The following SDK1 variants were observed in gnomAD, a reference collection of about 807,000 sequenced individuals.
SDK1 encodes sidekick cell adhesion molecule 1, also known as protein sidekick-1.
In SDK1, 157 loss-of-function variants were observed where a neutral mutation model predicts 245.5. The ratio of observed to expected loss-of-function variants is 0.64; its 90% confidence interval spans 0.56 to 0.73. The LOEUF is 0.73. SDK1 is among the 30% of genes least tolerant of loss of function. The pLI, the probability that SDK1 is intolerant of heterozygous loss-of-function variation, is 0.00. For synonymous variants in SDK1, 1,647 were observed against 1,278.5 expected (o/e 1.29, Z -6.15); for missense variants, 3,583 against 3,002.3 (o/e 1.19, Z -4.52).
intron 29 of SDK1, among the ~76,000 whole-genome samples, chr7:4,146,407 A>C (rs1779986168): frequency 6.6e-6 from 1 of 150,800 alleles, no homozygotes; most frequent in Non-Finnish European, 1.5e-5. Flanking sequence ...ATTTCGTGAC[A>C]CACTTTCAGC....
At chr7:3,831,888 A>AAAAAC (rs1218426909) in intron 5 of SDK1, among the ~76,000 whole-genome samples, 1 of 151,636 alleles carries the variant, frequency 6.6e-6, no homozygotes, top group Non-Finnish European at 1.5e-5. Flanking sequence ...CTTTAACAAC[A>AAAAAC]AAAACAAAAA....
chr7:3,475,380 C>T (rs1010465479), intron 1 of SDK1, among the ~76,000 whole-genome samples: 4 of 152,200 alleles, frequency 2.6e-5, no homozygotes, highest in Non-Finnish European at 5.9e-5. Flanking sequence ...ATTCTCCAGT[C>T]TTCCTCCTTT....
At chr7:3,801,626 C>T (rs551950958) in intron 4 of SDK1, among the ~76,000 whole-genome samples, 5 of 152,260 alleles carry the variant, frequency 3.3e-5, no homozygotes, top group African/African-American at 9.6e-5. Context: ...ATGATGAGTC[C>T]TTCTCATTGA....
chr7:3,739,199 G>A (rs903924803), intron 4 of SDK1, among the ~76,000 whole-genome samples: 2 of 152,076 alleles, frequency 1.3e-5, no homozygotes, highest in African/African-American at 4.8e-5. Flanking sequence ...ACAAGTAATT[G>A]TTTTCTTACT....
At chr7:3,575,756 A>G (rs745320312) in intron 1 of SDK1, among the ~76,000 whole-genome samples, 3 of 152,092 alleles carry the variant, frequency 2.0e-5, no homozygotes, top group Non-Finnish European at 4.4e-5. Context: ...ATGGGAATGT[A>G]GTAGAAACAG....
At chr7:3,393,017 C>A (rs576263401) in intron 1 of SDK1, among the ~76,000 whole-genome samples, 112 of 126,186 alleles carry the variant, frequency 8.9e-4, no homozygotes, top group Admixed American at 2.7e-3. Context: ...GTTCCCCAGG[C>A]TGTAGTACAG....
chr7:3,740,999 CAG>C (rs893332109), intron 4 of SDK1, among the ~76,000 whole-genome samples: 2 of 152,202 alleles, frequency 1.3e-5, no homozygotes, highest in African/African-American at 4.8e-5. Flanking sequence ...GAAAGGCTAT[CAG>C]GGACCTATCC....
Position 4,174,270 on chromosome 7 carries a change from T to C in SDK1, c.4849T>C (p.Tyr1617His), listed in dbSNP as rs563765871. 2.5e-6 allele frequency: 4 copies of C among 1,614,030 alleles called. No homozygotes were observed. The East Asian group carries it at 6.7e-5, about 27-fold the overall frequency. Residue 1617 changes from tyrosine (Y) to histidine (H), a missense_variant, in exon 33 of 45, where the codon TAC (tyrosine) becomes CAC (histidine). Transcript: ENST00000404826. ...LNGLLQGYRI[Y>H]YRELEYEAGS... ...TGGCCTTCTTCAGGGATACAGGATC[T>C]ACTACAGGGAGCTGGAGTATGAAGC...
chr7:4,107,487 C>CTTTT (rs111820146), intron 22 of SDK1, among the ~76,000 whole-genome samples: 1 of 149,068 alleles, frequency 6.7e-6, no homozygotes, highest in Non-Finnish European at 1.5e-5. Context: ...TTCCTTTCTT[C>CTTTT]TTCTTTTTTT....
At chr7:3,561,486 C>G (rs780370236) in intron 1 of SDK1, among the ~76,000 whole-genome samples, 1 of 152,278 alleles carries the variant, frequency 6.6e-6, no homozygotes, top group African/African-American at 2.4e-5. Context: ...AGAACATAAG[C>G]TTTCTCATGA....
At chr7:3,801,267 T>C (rs1437873287) in intron 4 of SDK1, among the ~76,000 whole-genome samples, 1 of 152,236 alleles carries the variant, frequency 6.6e-6, no homozygotes, top group Non-Finnish European at 1.5e-5. Context: ...TTCTTTGTGG[T>C]TGGGTTAATG....
chr7:4,066,296 G>A (rs557926380), intron 19 of SDK1, among the ~76,000 whole-genome samples: 1 of 152,184 alleles, frequency 6.6e-6, no homozygotes, highest in South Asian at 2.1e-4. Context: ...TGGCAGGCGG[G>A]GAAGCAGGGC....
chr7:3,403,849 A>G (rs1213199670), intron 1 of SDK1, among the ~76,000 whole-genome samples: 1 of 97,868 alleles, frequency 1.0e-5, no homozygotes, highest in Admixed American at 1.0e-4. Context: ...ATATATATAT[A>G]TATATATATA....
rs962167802 is a variant in SDK1, at chr7:4,079,053, C to T, written c.3203-410C>T. The stretch of plus-strand genomic sequence containing the variant: ...TCTTCCCTCCATCCCTCCGAGGCCG[C>T]GGTAATTATGAAAGGAAGTACGGCC... On this transcript the variant is annotated intron_variant, in intron 21 of 44. Transcript: ENST00000404826. Among the ~76,000 whole-genome samples, 8 of 152,326 alleles carry T rather than the reference C, an allele frequency of 5.3e-5. 1 individual carries two copies. The South Asian group carries it at 6.2e-4, about 12-fold the overall frequency.
intron 14 of SDK1, among the ~76,000 whole-genome samples, chr7:3,990,559 G>A (rs543878954): frequency 7.9e-5 from 12 of 152,312 alleles, no homozygotes; most frequent in Admixed American, 2.0e-4. Context: ...TGATCTGGAC[G>A]GAGAGAATGG....
At chr7:3,435,175 TG>T (rs11286836) in intron 1 of SDK1, among the ~76,000 whole-genome samples, 1 of 19,792 alleles carries the variant, frequency 5.1e-5, no homozygotes, top group African/African-American at 5.0e-4. Context: ...TTTTTTTTTT[TG>T]AAATCTTTTT....
chr7:4,051,645 C>G lies in SDK1; in HGVS notation c.2726C>G (p.Ala909Gly). ...NGINQGYKLLAWPADAPEAVT... is the reference protein window; with the variant it reads ...NGINQGYKLLGWPADAPEAVT... ...CACCCTGTTCCATCTCAGCTTCTGG[C>G]ATGGCCGGCAGATGCCCCCGAGGCT... Residue 909 changes from alanine (A) to glycine (G), a missense_variant, in exon 19 of 45, where the codon GCA becomes GGA. Coordinates refer to ENST00000404826, the MANE Select transcript of SDK1 (RefSeq NM_152744.4). The G allele has an allele frequency of 1.2e-6, 2 of 1,610,242 alleles. No individual in the cohort carries two copies. The highest frequency in any genetic ancestry group is 1.7e-6 in the Non-Finnish European group (2 of 1,178,518).
intron 1 of SDK1, among the ~76,000 whole-genome samples, chr7:3,377,582 G>A (rs185032175): frequency 2.0e-5 from 3 of 152,030 alleles, no homozygotes; most frequent in Admixed American, 6.5e-5. Context: ...ACGACTCCCC[G>A]TCTCTGTGTC....
chr7:3,327,844 A>G (rs1779972768), intron 1 of SDK1, among the ~76,000 whole-genome samples: 1 of 152,156 alleles, frequency 6.6e-6, no homozygotes, highest in Non-Finnish European at 1.5e-5. Flanking sequence ...GTAATTACCC[A>G]TCGAAAACTC....
Sources: allele counts gnomAD v4.1 joint callset (sites outside exome capture counted in the v4.1 genomes callset), GRCh38; gene constraint gnomAD v4.1.1; transcripts MANE v1.5; gene names NCBI Gene and HGNC (gene_info 2026-07-23, HGNC 2026-07-21).